THSD4: variants seen among roughly 807,000 people sequenced by gnomAD.
THSD4 encodes the protein thrombospondin type 1 domain containing 4, also known as thrombospondin type-1 domain-containing protein 4.
Under a neutral mutation model 119.0 loss-of-function variants are expected in THSD4, and 69 were observed. The observed-to-expected ratio is 0.58, with a 90% CI of 0.48 to 0.71. The LOEUF (loss-of-function observed/expected upper bound fraction) is 0.71. Among genes scored for constraint, THSD4 ranks in the 30% least tolerant of loss-of-function variants. The pLI is 0.00. For synonymous variants in THSD4, 524 were observed against 540.4 expected (o/e 0.97, Z 0.42); for missense variants, 1,393 against 1,391.1 (o/e 1.00, Z -0.02).
chr15:71,503,894 A>C (rs957538997), intron 7 of THSD4, among the ~76,000 whole-genome samples: 5 of 152,294 alleles, frequency 3.3e-5, no homozygotes, highest in African/African-American at 1.2e-4. Flanking sequence ...ATCATACACA[A>C]AACAGGAAAA....
intron 7 of THSD4, among the ~76,000 whole-genome samples, chr15:71,576,684 G>C (rs574422000): frequency 1.8e-4 from 28 of 152,192 alleles, no homozygotes; most frequent in Non-Finnish European, 3.8e-4. Context: ...TCCTGCCTCA[G>C]TGTTAAGGAC....
chr15:71,578,844 CTT>C (rs373480493), intron 7 of THSD4, among the ~76,000 whole-genome samples: 3 of 132,266 alleles, frequency 2.3e-5, no homozygotes, highest in Non-Finnish European at 3.1e-5. Flanking sequence ...ACTGCATTAA[CTT>C]TTTTTTTTTT....
At chr15:71,298,357 T>C (rs1430804979) in intron 6 of THSD4, among the ~76,000 whole-genome samples, 1 of 152,194 alleles carries the variant, frequency 6.6e-6, no homozygotes, top group Non-Finnish European at 1.5e-5. Flanking sequence ...GCACATTTTA[T>C]ATCAGGAAAT....
intron 7 of THSD4, among the ~76,000 whole-genome samples, chr15:71,650,651 G>A (rs563022917): frequency 2.8e-4 from 42 of 152,284 alleles, no homozygotes; most frequent in African/African-American, 8.4e-4. Flanking sequence ...CGGAAGACAC[G>A]TACCCCTGAA....
intron 14 of THSD4, among the ~76,000 whole-genome samples, chr15:71,754,943 A>G (rs1033172910): frequency 6.6e-6 from 1 of 152,230 alleles, no homozygotes; most frequent in Non-Finnish European, 1.5e-5. Context: ...AAATTGACTA[A>G]GAAAAATATG....
chr15:71,618,599 G>A lies in THSD4; in HGVS notation c.1153-41931G>A, dbSNP rs1279351996. 2.6e-5 allele frequency among the ~76,000 whole-genome samples: 4 copies of A among 152,058 alleles called. No homozygotes were observed. The East Asian group carries it at 5.8e-4, about 22-fold the overall frequency. Reference sequence around the variant, plus strand: ...ACATTATTTTATTATTAAGAGACAGGGTCTCACTCTGTCACCCAGGCTGGA... The same window carrying A: ...ACATTATTTTATTATTAAGAGACAGAGTCTCACTCTGTCACCCAGGCTGGA... On this transcript the variant is annotated intron_variant, in intron 7 of 17. Coordinates refer to ENST00000261862, the MANE Select transcript of THSD4 (RefSeq NM_024817.3).
At chr15:71,554,690 C>CTGTAAA in intron 7 of THSD4, among the ~76,000 whole-genome samples, 1 of 151,706 alleles carries the variant, frequency 6.6e-6, no homozygotes, top group African/African-American at 2.4e-5. Flanking sequence ...GCCACCACAC[C>CTGTAAA]CAGCCTCTGA....
intron 6 of THSD4, among the ~76,000 whole-genome samples, chr15:71,395,735 CT>C (rs1219785585): frequency 6.6e-6 from 1 of 151,998 alleles, no homozygotes; most frequent in African/African-American, 2.4e-5. Context: ...GAACAAGCCC[CT>C]GTCCCCCGAC....
At chr15:71,548,631 G>A (rs2048877215) in intron 7 of THSD4, among the ~76,000 whole-genome samples, 1 of 152,196 alleles carries the variant, frequency 6.6e-6, no homozygotes, top group Non-Finnish European at 1.5e-5. Context: ...GACATTTTCT[G>A]GGCCTGTGGG....
At chr15:71,452,150 G>A (rs1448033716) in intron 7 of THSD4, among the ~76,000 whole-genome samples, 1 of 152,090 alleles carries the variant, frequency 6.6e-6, no homozygotes, top group East Asian at 1.9e-4. Flanking sequence ...ACCTCCTGTA[G>A]CCACATACTG....
chr15:71,233,246 G>A (rs2044075673), intron 4 of THSD4, among the ~76,000 whole-genome samples: 1 of 152,156 alleles, frequency 6.6e-6, no homozygotes, highest in Non-Finnish European at 1.5e-5. Flanking sequence ...TGTCCAAATT[G>A]AAATGTCTGC....
chr15:71,723,570 T>C (rs932396613), intron 8 of THSD4, among the ~76,000 whole-genome samples: 4 of 152,218 alleles, frequency 2.6e-5, no homozygotes, highest in Admixed American at 1.3e-4. Flanking sequence ...CAAACTGTAA[T>C]GGAGATGAAA....
intron 7 of THSD4, among the ~76,000 whole-genome samples, chr15:71,613,560 T>G (rs1295454292): frequency 6.6e-6 from 1 of 152,190 alleles, no homozygotes; most frequent in Non-Finnish European, 1.5e-5. Flanking sequence ...AAATTTCTCT[T>G]CCTTATCTAG....
chr15:71,215,306 TGGCCGG>T lies in THSD4; in HGVS notation c.372_377del (p.Ala125_Gly126del). On this transcript the variant is annotated inframe_deletion, in exon 4 of 18. Coordinates refer to ENST00000261862, the MANE Select transcript of THSD4 (RefSeq NM_024817.3). ...CGGAGCCGCGACGAGACGCCAGCGC[TGGCCGG>T]TACGGACGCCAGCCGCCAGGGCCCC... 2 of 1,526,554 alleles carry T rather than the reference TGGCCGG, an allele frequency of 1.3e-6. No individual in the cohort carries two copies. The highest frequency in any genetic ancestry group is 5.0e-5 in the East Asian group (2 of 39,798). The allele number at this position is 1,526,554 out of a possible 1,614,324, so 94.6% of individuals were successfully genotyped here. A position where few individuals can be genotyped will look rare whatever the true frequency, so the allele number is the denominator to read the frequency against.
rs542610283 is a variant in THSD4 at position 71,146,228 on chromosome 15, G to T, written c.29+4672G>T. ...TCCATTCACCAGTTTTTGATTTGGG[G>T]CCATGGGCCTTTCTTTGCTCATGAA... On this transcript the variant is annotated intron_variant, in intron 2 of 17. Coordinates refer to ENST00000261862, the MANE Select transcript of THSD4 (RefSeq NM_024817.3). 1.2e-3 allele frequency among the ~76,000 whole-genome samples: 189 copies of T among 152,240 alleles called. 3 individuals are homozygous for T. Among genetic ancestry groups the T allele is most frequent in the Non-Finnish European group, 1.6e-4 (11 of 68,010 alleles).
chr15:71,747,084 C>T lies in THSD4; in HGVS notation c.2241+42C>T, dbSNP rs757883236. On this transcript the variant is annotated intron_variant, in intron 13 of 17. Transcript: ENST00000261862. ...GCCCGCTCTGCAGCTCCCTCTCCAG[C>T]TCCCACCACACTTTCCAGCCTCCCC... The T allele has an allele frequency of 1.0e-5, 16 of 1,548,858 alleles. No individual in the cohort carries two copies. The South Asian group carries it at 1.2e-4, about 11-fold the overall frequency.
chr15:71,571,189 C>G (rs2049347671), intron 7 of THSD4, among the ~76,000 whole-genome samples: 1 of 151,710 alleles, frequency 6.6e-6, no homozygotes, highest in Non-Finnish European at 1.5e-5. Context: ...GAAGTTGGAA[C>G]TAGACCTGCT....
At chr15:71,558,917 G>A (rs574023375) in intron 7 of THSD4, among the ~76,000 whole-genome samples, 1 of 152,242 alleles carries the variant, frequency 6.6e-6, no homozygotes, top group African/African-American at 2.4e-5. Context: ...GTCTGAGAAT[G>A]TGGTATGTGC....
chr15:71,643,302 AATTT>A (rs751062863), intron 7 of THSD4, among the ~76,000 whole-genome samples: 6 of 152,292 alleles, frequency 3.9e-5, no homozygotes, highest in South Asian at 2.1e-4. Context: ...AGCATAAATT[AATTT>A]CTTTTTTGAG....
Sources: gnomAD v4.1 joint callset for allele counts (sites outside exome capture counted in the v4.1 genomes callset) on GRCh38, gnomAD v4.1.1 for gene constraint, MANE v1.5 for transcripts, NCBI Gene and HGNC (gene_info 2026-07-23, HGNC 2026-07-21) for gene names.